MGAM: variants seen among roughly 807,000 people sequenced by gnomAD.
The protein encoded by MGAM is maltase-glucoamylase, also known as alpha-1,4-glucosidase.
A neutral mutation model predicts 358.8 loss-of-function variants in MGAM; 253 were observed. That is an observed-to-expected ratio of 0.71 (90% confidence interval 0.64 to 0.78). MGAM has a LOEUF of 0.78. Among genes scored for constraint, MGAM ranks in the 30% least tolerant of loss-of-function variants. The pLI, the probability that MGAM is intolerant of heterozygous loss-of-function variation, is 0.00. For synonymous variants in MGAM, 1,105 were observed against 1,227.1 expected (o/e 0.90, Z 2.08); for missense variants, 3,080 against 3,432.6 (o/e 0.90, Z 2.57).
chr7:142,079,634 C>T (rs12666982), intron 49 of MGAM, among the ~76,000 whole-genome samples: 8,536 of 145,938 alleles, frequency 0.058, 1,513 homozygotes, highest in East Asian at 0.41. Context: ...CTAGCTGTTA[C>T]GTCTGCTTCT....
chr7:142,060,786 C>G (rs541793059), intron 34 of MGAM, among the ~76,000 whole-genome samples: 3 of 152,112 alleles, frequency 2.0e-5, no homozygotes, highest in Non-Finnish European at 4.4e-5. Flanking sequence ...CTTCAACCCT[C>G]GAAGACTGAC....
Position 142,005,460 on chromosome 7 carries a change from C to A in MGAM, c.-2-69C>A, listed in dbSNP as rs1423601792. Reference sequence around the variant, plus strand: ...TTCATTGCATACATTTGAGCTTTTCCATTAAAAATCTTACTAGTTATATAG... The same window carrying A: ...TTCATTGCATACATTTGAGCTTTTCAATTAAAAATCTTACTAGTTATATAG... On this transcript the variant is annotated intron_variant, in intron 1 of 70. Transcript: ENST00000475668. The A allele has an allele frequency of 3.5e-6, 4 of 1,155,970 alleles. No homozygotes were observed. The African/African-American group carries it at 6.4e-5, about 18-fold the overall frequency. The allele number at this position is 1,155,970 out of a possible 1,614,324, so 71.6% of individuals were successfully genotyped here.
At chr7:142,010,097 T>C (rs1805487890) in intron 3 of MGAM, among the ~76,000 whole-genome samples, 1 of 152,138 alleles carries the variant, frequency 6.6e-6, no homozygotes, top group Non-Finnish European at 1.5e-5. Flanking sequence ...ATTGTTTGAT[T>C]CTCCCAGTTA....
rs782767791 is a variant in MGAM, at chr7:142,008,471, G to T, written c.128-35G>T. 2.6e-6 allele frequency: 4 copies of T among 1,561,760 alleles called. No homozygotes were observed. The Admixed American group carries it at 5.8e-5, about 23-fold the overall frequency. On this transcript the variant is annotated intron_variant, in intron 2 of 70. Coordinates refer to ENST00000475668, the MANE Select transcript of MGAM (RefSeq NM_001365693.1). ...ATTGAATGTCTGTGAAATTAAATTT[G>T]TCTAATGGTCTTTTTATGTTTGCTT...
intron 21 of MGAM, among the ~76,000 whole-genome samples, chr7:142,045,217 GTATATAATATATATTATATATCAT>G (rs1809979394): frequency 1.6e-5 from 1 of 63,486 alleles, no homozygotes; most frequent in Non-Finnish European, 2.9e-5. Context: ...TAACATATAT[GTATATAATATATATTATATATCAT>G]ATAATATATG....
At position 141,989,962 on chromosome 7, in the gene MGAM, T is replaced by C. The variant is rs10273892; in HGVS notation, c.-2-15567T>C. ...TTCCAGGAAGGGAGAACACATGAAG[T>C]CATGTTCCATGTAGGAGGAGGAAGG... On this transcript the variant is annotated intron_variant, in intron 2 of 5. Transcript: ENST00000465654. Among the ~76,000 whole-genome samples the C allele has an allele frequency of 4.0e-3, 604 of 152,300 alleles. 11 individuals carry two copies. The highest frequency in any genetic ancestry group is 0.014 in the African/African-American group (562 of 41,554).
At position 142,094,882 on chromosome 7, in the gene MGAM, C is replaced by T; in HGVS notation, c.7458+19C>T. On this transcript the variant is annotated intron_variant, in intron 63 of 70. Transcript: ENST00000475668. ...GACCAGGGTAGGACAGTGGCCCCTA[C>T]CTCCAGTGTTTCACTTGAAACACAG... 6.2e-7 allele frequency: 1 copy of T among 1,608,424 alleles called. No individual in the cohort carries two copies. The highest frequency in any genetic ancestry group is 1.7e-5 in the Admixed American group (1 of 59,858).
intron 2 of MGAM, among the ~76,000 whole-genome samples, chr7:142,007,398 G>GCAAT (rs1459338870): frequency 6.6e-6 from 1 of 151,954 alleles, no homozygotes; most frequent in African/African-American, 2.4e-5. Flanking sequence ...GGAGAACCAG[G>GCAAT]CAATCAAGTG....
chr7:142,037,092 G>T (rs542340751), intron 18 of MGAM, 115 bp downstream of exon 18: 6 of 1,052,232 alleles, frequency 5.7e-6, no homozygotes. Context: ...ATATCTATCT[G>T]TATCTATATC....
At chr7:142,065,090 T>C (rs1490239740) in intron 37 of MGAM, among the ~76,000 whole-genome samples, 1 of 152,104 alleles carries the variant, frequency 6.6e-6, no homozygotes, top group Non-Finnish European at 1.5e-5. Flanking sequence ...AGTAATTCCT[T>C]AGTATTTTGG....
chr7:142,047,936 C>T, intron 22 of MGAM, 63 bp downstream of exon 22: 1 of 1,235,550 alleles, frequency 8.1e-7, no homozygotes, highest in East Asian at 2.4e-5. Context: ...TGGTCCTTCA[C>T]TCCTGCTGGT....
At chr7:142,036,062 C>T (rs1378339308) in intron 16 of MGAM, 107 bp from the exon 17 acceptor site, 2 of 797,516 alleles carry the variant, frequency 2.5e-6, no homozygotes, top group Admixed American at 2.5e-5. Context: ...TCCTAGCCTT[C>T]TCGGTAGGAG....
At chr7:142,059,752 G>A (rs896977976) in intron 32 of MGAM, 104 bp from the exon 33 acceptor site, 7 of 1,566,038 alleles carry the variant, frequency 4.5e-6, no homozygotes, top group Non-Finnish European at 6.1e-6. Context: ...ACTCTACTGT[G>A]CAGGTAGAAG....
Position 142,027,649 on chromosome 7 carries a change from G to T in MGAM, c.1135G>T (p.Gly379Ter). 4 of 1,613,726 alleles carry T rather than the reference G, an allele frequency of 2.5e-6. No homozygotes were observed. Among genetic ancestry groups the T allele is most frequent in the Non-Finnish European group, 3.4e-6 (4 of 1,179,732 alleles). ...RPALPSYWAL[G>*]FHLSRYEYGT... ...AGCCCTTCCCTCCTACTGGGCGCTT[G>T]GATTTCACCTCAGTCGTTACGAATA... The change falls in exon 10 of 71, where the codon GGA becomes TGA. Residue 379 changes from glycine to a stop codon, truncating the protein, a stop_gained. Coordinates refer to ENST00000475668, the MANE Select transcript of MGAM (RefSeq NM_001365693.1). LOFTEE classifies it high-confidence loss of function.
chr7:142,017,430 C>T (rs1263844875), intron 3 of MGAM, among the ~76,000 whole-genome samples: 1 of 152,070 alleles, frequency 6.6e-6, no homozygotes, highest in Admixed American at 6.5e-5. Context: ...TGTCTCTTCC[C>T]ACTTCTTGCA....
intron 4 of MGAM, among the ~76,000 whole-genome samples, chr7:142,019,815 T>C (rs1251253661): frequency 5.3e-5 from 8 of 152,184 alleles, no homozygotes; most frequent in Non-Finnish European, 1.0e-4. Flanking sequence ...ATGCCTGTAA[T>C]CACAGCACTT....
chr7:142,056,274 G>T (rs1811525396), intron 29 of MGAM, among the ~76,000 whole-genome samples, 178 bp downstream of exon 29: 2 of 152,128 alleles, frequency 1.3e-5, no homozygotes, highest in African/African-American at 4.8e-5. Flanking sequence ...CATGTAATAA[G>T]AAGATTTAAC....
At chr7:142,062,956 T>C (rs921901889) in intron 35 of MGAM, among the ~76,000 whole-genome samples, 1 of 152,178 alleles carries the variant, frequency 6.6e-6, no homozygotes. Flanking sequence ...CCCAGCACTT[T>C]GGGAGGCTGA....
rs2129046231 is a variant in MGAM at position 142,068,414 on chromosome 7, T to A, written c.5005-233T>A. 1.4e-5 allele frequency among the ~76,000 whole-genome samples: 2 copies of A among 145,602 alleles called. 1 individual carries two copies. Among genetic ancestry groups the A allele is most frequent in the Non-Finnish European group, 3.1e-5 (2 of 64,296 alleles). On this transcript the variant is annotated intron_variant, in intron 42 of 70. Coordinates refer to ENST00000475668, the MANE Select transcript of MGAM (RefSeq NM_001365693.1). ...CTATAAGCAAACAGTGATTTATTTT[T>A]TCCCGAAGTCCTGGATATCAAAGTG... is the stretch of plus-strand genomic sequence containing the variant.
Sources: gnomAD v4.1 joint callset for allele counts (sites outside exome capture counted in the v4.1 genomes callset) on GRCh38, gnomAD v4.1.1 for gene constraint, MANE v1.5 for transcripts, NCBI Gene and HGNC (gene_info 2026-07-23, HGNC 2026-07-21) for gene names.